The following DPP10 variants were observed in gnomAD, a reference collection of about 807,000 sequenced individuals.
DPP10 encodes dipeptidyl peptidase like 10.
In DPP10, 33 loss-of-function variants were observed where a neutral mutation model predicts 120.9. The ratio of observed to expected loss-of-function variants is 0.27; its 90% confidence interval spans 0.21 to 0.37. The LOEUF (loss-of-function observed/expected upper bound fraction) is 0.37. DPP10 is among the 10% of genes least tolerant of loss of function. The pLI is 1.00. For missense variants in DPP10, 816 were observed against 942.8 expected, an observed-to-expected ratio of 0.87 and a Z score of 1.76; for synonymous variants, 337 against 326.1, an observed-to-expected ratio of 1.03 and a Z score of -0.36.
At chr2:115,048,502 A>C (rs565429807) in intron 1 of DPP10, among the ~76,000 whole-genome samples, 1 of 152,092 alleles carries the variant, frequency 6.6e-6, no homozygotes, top group Non-Finnish European at 1.5e-5. Context: ...TGTAGACATA[A>C]GCTAATTTCC....
chr2:114,685,588 C>A (rs1347555625), intron 1 of DPP10, among the ~76,000 whole-genome samples: 1 of 151,954 alleles, frequency 6.6e-6, no homozygotes, highest in African/African-American at 2.4e-5. Context: ...AAATTGAACT[C>A]ATCTTTTCTT....
At chr2:114,618,600 A>G (rs1693851052) in intron 1 of DPP10, among the ~76,000 whole-genome samples, 1 of 152,092 alleles carries the variant, frequency 6.6e-6, no homozygotes, top group Non-Finnish European at 1.5e-5. Flanking sequence ...CTTGTATGCT[A>G]GCAACATTAT....
chr2:114,856,758 CT>C (rs1157857565), intron 1 of DPP10, among the ~76,000 whole-genome samples: 1 of 152,136 alleles, frequency 6.6e-6, no homozygotes. Flanking sequence ...AGAGTTGCTT[CT>C]GTTTTTTATC....
At chr2:114,461,117 T>C (rs1008569477) in intron 1 of DPP10, among the ~76,000 whole-genome samples, 2 of 152,218 alleles carry the variant, frequency 1.3e-5, no homozygotes, top group Non-Finnish European at 2.9e-5. Flanking sequence ...TAAAAGCACA[T>C]GCCAGATTGT....
At chr2:115,786,366 AATTGGATT>A (rs1168042303) in intron 17 of DPP10, among the ~76,000 whole-genome samples, 4 of 152,328 alleles carry the variant, frequency 2.6e-5, no homozygotes, top group African/African-American at 9.6e-5. Flanking sequence ...GGCAGACTGG[AATTGGATT>A]ATAACTCTTA....
At chr2:115,392,244 G>T (rs1459629447) in intron 3 of DPP10, among the ~76,000 whole-genome samples, 1 of 151,994 alleles carries the variant, frequency 6.6e-6, no homozygotes, top group African/African-American at 2.4e-5. Context: ...AACTGGCACA[G>T]CTGTGGAATT....
intron 1 of DPP10, among the ~76,000 whole-genome samples, chr2:114,949,696 G>T (rs1268044828): frequency 6.6e-6 from 1 of 152,122 alleles, no homozygotes; most frequent in Non-Finnish European, 1.5e-5. Context: ...GGTTGGGTTA[G>T]CCCTGCTGTT....
chr2:114,468,682 TA>T (rs2104602545), intron 1 of DPP10, among the ~76,000 whole-genome samples: 1 of 152,224 alleles, frequency 6.6e-6, no homozygotes, highest in South Asian at 2.1e-4. Context: ...AAAGAAAAAG[TA>T]AAATTGAATG....
intron 1 of DPP10, among the ~76,000 whole-genome samples, chr2:114,863,839 C>T (rs1208353256): frequency 6.6e-6 from 1 of 152,124 alleles, no homozygotes; most frequent in Non-Finnish European, 1.5e-5. Flanking sequence ...TGTCTCTGCC[C>T]CTTGCACACT....
At chr2:115,512,890 A>T (rs1441130919) in intron 4 of DPP10, among the ~76,000 whole-genome samples, 4 of 151,950 alleles carry the variant, frequency 2.6e-5, no homozygotes, top group Non-Finnish European at 4.4e-5. Flanking sequence ...TGTCTGTAAG[A>T]TCTTTTTGCT....
intron 1 of DPP10, among the ~76,000 whole-genome samples, chr2:114,853,642 G>C (rs1477870931): frequency 6.6e-6 from 1 of 152,114 alleles, no homozygotes; most frequent in Non-Finnish European, 1.5e-5. Context: ...TTATTTAATA[G>C]ATAAAAGCTA....
chr2:115,637,334 A>G (rs1045585851), intron 5 of DPP10, among the ~76,000 whole-genome samples: 6 of 152,160 alleles, frequency 3.9e-5, no homozygotes, highest in African/African-American at 1.2e-4. Flanking sequence ...ACTGTATACT[A>G]TGGCTTTTGA....
At chr2:114,642,316 A>T (rs1481466126) in intron 1 of DPP10, among the ~76,000 whole-genome samples, 2 of 151,966 alleles carry the variant, frequency 1.3e-5, no homozygotes, top group Non-Finnish European at 1.5e-5. Context: ...TGAAGATCAA[A>T]GAGGTTAAGT....
intron 5 of DPP10, among the ~76,000 whole-genome samples, chr2:115,587,312 G>A (rs2082357587): frequency 6.6e-6 from 1 of 151,566 alleles, no homozygotes; most frequent in African/African-American, 2.4e-5. Flanking sequence ...GTTAGCCAGG[G>A]TGGTCTCGAT....
At chr2:114,982,992 T>C (rs1287060926) in intron 1 of DPP10, among the ~76,000 whole-genome samples, 1 of 152,206 alleles carries the variant, frequency 6.6e-6, no homozygotes, top group Non-Finnish European at 1.5e-5. Flanking sequence ...TTTCTATGCA[T>C]TAATTATGCC....
intron 1 of DPP10, among the ~76,000 whole-genome samples, chr2:114,617,752 A>G (rs992376467): frequency 6.6e-5 from 10 of 152,270 alleles, no homozygotes; most frequent in African/African-American, 2.4e-4. Flanking sequence ...TCATTCCATT[A>G]AAGATGATAG....
intron 1 of DPP10, among the ~76,000 whole-genome samples, chr2:115,224,702 A>G (rs1029760297): frequency 6.6e-6 from 1 of 152,220 alleles, no homozygotes; most frequent in Non-Finnish European, 1.5e-5. Context: ...TAATCATGTG[A>G]GATAATATAA....
intron 1 of DPP10, among the ~76,000 whole-genome samples, chr2:115,186,166 A>C (rs2054421282): frequency 6.6e-6 from 1 of 152,114 alleles, no homozygotes; most frequent in Admixed American, 6.5e-5. Context: ...ATCACTGCGG[A>C]GCTCCGTTGT....
intron 3 of DPP10, among the ~76,000 whole-genome samples, chr2:115,376,053 G>A (rs2065768995): frequency 6.6e-6 from 1 of 152,142 alleles, no homozygotes; most frequent in South Asian, 2.1e-4. Flanking sequence ...AATGTTGAAA[G>A]CGGGAGCTGA....
Sources: allele counts gnomAD v4.1 joint callset (sites outside exome capture counted in the v4.1 genomes callset), GRCh38; gene constraint gnomAD v4.1.1; transcripts MANE v1.5; gene names NCBI Gene and HGNC (gene_info 2026-07-23, HGNC 2026-07-21).